The following RNASET2 variants were observed in gnomAD, a reference collection of about 807,000 sequenced individuals.
RNASET2 encodes the protein ribonuclease T2.
RNASET2 carries 28 observed loss-of-function variants against 33.9 expected under a neutral mutation model. The ratio of observed to expected loss-of-function variants is 0.83; its 90% CI spans 0.61 to 1.13. RNASET2 has a LOEUF of 1.13. Ranked by LOEUF, RNASET2 falls within the 50% of genes most tolerant of loss-of-function variation. The pLI is 0.00. For synonymous variants in RNASET2, 123 were observed against 121.0 expected (o/e 1.02, Z -0.11); for missense variants, 330 against 319.9 (o/e 1.03, Z -0.24).
chr6:166,928,236 G>A lies in RNASET2; in HGVS notation c.*1352C>T, dbSNP rs1467429173. 1.3e-5 allele frequency among the ~76,000 whole-genome samples: 2 copies of A among 152,218 alleles called. No homozygotes were observed. Among genetic ancestry groups the A allele is most frequent in the Non-Finnish European group, 2.9e-5 (2 of 68,048 alleles). On this transcript the variant is annotated 3_prime_UTR_variant, in exon 9 of 9. Transcript: ENST00000508775. ...GTCTCCTTTAATGCCTGCGGGGGAC[G>A]CAGAGGCCACTGAGTCTAGGATCAG...
In RNASET2 at chr6:166,953,923, T is replaced by C. The variant is rs929408756; in HGVS notation, c.87-1375A>G. Among the ~76,000 whole-genome samples the C allele has an allele frequency of 2.7e-5, 4 of 150,016 alleles. 1 individual carries two copies. Among genetic ancestry groups the C allele is most frequent in the African/African-American group, 7.4e-5 (3 of 40,708 alleles). ...TGAGCTGCAGGGTGAGAATTGGAGC[T>C]GGTAAAGCATTTTTTACCCTTGGGT... On this transcript the variant is annotated intron_variant, in intron 1 of 8. Coordinates refer to ENST00000508775, the MANE Select transcript of RNASET2 (RefSeq NM_003730.6).
At chr6:166,936,147 T>G (rs1007843499) in intron 6 of RNASET2, among the ~76,000 whole-genome samples, 1 of 152,250 alleles carries the variant, frequency 6.6e-6, no homozygotes, top group Non-Finnish European at 1.5e-5. Flanking sequence ...GAATATAATT[T>G]TCCTATAATT....
rs1778783481 is a variant in RNASET2 at position 166,944,615 on chromosome 6, C to T, written c.262-1526G>A. 2.0e-5 allele frequency among the ~76,000 whole-genome samples: 3 copies of T among 152,044 alleles called. No individual in the cohort carries two copies. The South Asian group carries it at 6.2e-4, about 32-fold the overall frequency. Reference sequence around the variant, plus strand: ...ATGCAAAGGTGTTCCTACTGCTACACAACAAGGAAGCCAGGACTACTCTGA... The same window carrying T: ...ATGCAAAGGTGTTCCTACTGCTACATAACAAGGAAGCCAGGACTACTCTGA... On this transcript the variant is annotated intron_variant, in intron 4 of 8. Transcript: ENST00000508775.
intron 1 of RNASET2, chr6:166,952,816 G>A: frequency 2.3e-6 from 1 of 443,486 alleles, no homozygotes; most frequent in Non-Finnish European, 4.2e-6. Flanking sequence ...GCGGAGGCAG[G>A]GCAAGCTAGG....
At chr6:166,936,592 G>C (rs1029455858) in intron 6 of RNASET2, among the ~76,000 whole-genome samples, 1 of 152,156 alleles carries the variant, frequency 6.6e-6, no homozygotes, top group African/African-American at 2.4e-5. Context: ...GCCAGGGGTT[G>C]GGGGCGGTGC....
chr6:166,952,722 A>G (rs1015796611), intron 1 of RNASET2, 174 bp from the exon 2 acceptor site: 2 of 631,402 alleles, frequency 3.2e-6, no homozygotes, highest in African/African-American at 3.6e-5. Context: ...ACACCCCTAC[A>G]CTAAGAAGGC....
Position 166,928,677 on chromosome 6 carries a change from G to C in RNASET2, c.*911C>G, listed in dbSNP as rs1778344829. 6.6e-6 allele frequency among the ~76,000 whole-genome samples: 1 copy of C among 152,216 alleles called. No homozygotes were observed. On this transcript the variant is annotated 3_prime_UTR_variant, in exon 9 of 9. Coordinates refer to ENST00000508775, the MANE Select transcript of RNASET2 (RefSeq NM_003730.6). ...TAACAGGTTGTCTTAACAACACATG[G>C]AAAGCTCCTCACTGCACAGCCCCCA...
In RNASET2 at chr6:166,934,396, C is replaced by T. The variant is rs113477891; in HGVS notation, c.447-260G>A. 3,853 of 475,918 alleles carry T rather than the reference C, an allele frequency of 8.1e-3. 162 individuals carry two copies. The East Asian group carries it at 0.095, about 12-fold the overall frequency. The allele number at this position is 475,918 out of a possible 1,614,324, so 29.5% of individuals were successfully genotyped here. A position where few individuals can be genotyped will look rare whatever the true frequency, so the allele number is the denominator to read the frequency against. Reference sequence around the variant, plus strand: ...TCCTGACTCCTTCGGAGCATGGGAGCGCTGGGGCCACCACCGAGTGGAGCT... The same window carrying T: ...TCCTGACTCCTTCGGAGCATGGGAGTGCTGGGGCCACCACCGAGTGGAGCT... On this transcript the variant is annotated intron_variant, in intron 6 of 8. Coordinates refer to ENST00000508775, the MANE Select transcript of RNASET2 (RefSeq NM_003730.6).
At chr6:166,930,883 TACACACACACATGC>T (rs1562493112) in intron 8 of RNASET2, among the ~76,000 whole-genome samples, 147 bp downstream of exon 8, 1 of 148,592 alleles carries the variant, frequency 6.7e-6, no homozygotes, top group Non-Finnish European at 1.5e-5. Context: ...CACATGCATG[TACACACACACATGC>T]ACACACACAC....
chr6:166,946,917 C>CA (rs2128646411), intron 3 of RNASET2, 178 bp from the exon 4 acceptor site: 1 of 669,642 alleles, frequency 1.5e-6, no homozygotes, highest in African/African-American at 1.8e-5. Flanking sequence ...TAAGAGGAGT[C>CA]AGAGTTCAAA....
chr6:166,936,311 TC>T (rs1481706900), intron 6 of RNASET2, among the ~76,000 whole-genome samples: 1 of 151,786 alleles, frequency 6.6e-6, no homozygotes, highest in African/African-American at 2.4e-5. Flanking sequence ...CTCTGCTGAA[TC>T]CCCACAGGAA....
At chr6:166,943,488 G>C (rs1334852701) in intron 4 of RNASET2, 1 of 325,246 alleles carries the variant, frequency 3.1e-6, no homozygotes, top group Non-Finnish European at 6.0e-6. Context: ...GTGACAATTT[G>C]GAAAAGGTAG....
chr6:166,938,401 G>C (rs986438741), intron 6 of RNASET2, among the ~76,000 whole-genome samples: 2 of 152,128 alleles, frequency 1.3e-5, no homozygotes, highest in Non-Finnish European at 2.9e-5. Context: ...CAAGAATAGA[G>C]GTGAGGGCAG....
intron 4 of RNASET2, among the ~76,000 whole-genome samples, chr6:166,946,071 G>A (rs1778835529): frequency 6.6e-6 from 1 of 152,132 alleles, no homozygotes; most frequent in Non-Finnish European, 1.5e-5. Flanking sequence ...AGATGAGGGC[G>A]TGTGTGTGAG....
intron 1 of RNASET2, chr6:166,953,230 A>G: frequency 6.5e-6 from 1 of 153,754 alleles, no homozygotes; most frequent in Non-Finnish European, 1.4e-5. Flanking sequence ...ACTGGATCAC[A>G]AACCTGAACA....
At chr6:166,950,179 A>C (rs1343451617) in intron 2 of RNASET2, among the ~76,000 whole-genome samples, 2 of 152,144 alleles carry the variant, frequency 1.3e-5, no homozygotes, top group Non-Finnish European at 2.9e-5. Flanking sequence ...AGTGTGGGTC[A>C]AAGACAGTGC....
rs954335884 is a variant in RNASET2 at position 166,927,832 on chromosome 6, C to T, written c.*1756G>A. Among the ~76,000 whole-genome samples, 9 of 151,946 alleles carry T rather than the reference C, an allele frequency of 5.9e-5. No homozygotes were observed. The highest frequency in any genetic ancestry group is 3.2e-3 in the Middle Eastern group (1 of 316). ...GCAGAGCAAATGCAGGAAATCACGC[C>T]CTTCCAGGTGCAAAACAAATCAGAT... is the stretch of plus-strand genomic sequence containing the variant. On this transcript the variant is annotated 3_prime_UTR_variant, in exon 9 of 9. Transcript: ENST00000508775.
At chr6:166,934,393 G>C (rs2128644611) in intron 6 of RNASET2, 1 of 483,506 alleles carries the variant, frequency 2.1e-6, no homozygotes, top group East Asian at 3.8e-5. Context: ...CGGAGCATGG[G>C]AGCGCTGGGG....
rs1443598856 is a variant in RNASET2 at position 166,955,350 on chromosome 6, C to G, written c.86+747G>C. ...ACGCACGCACGCACACGCACACGCA[C>G]GCACACACACACGCACACACAAACG... On this transcript the variant is annotated intron_variant, in intron 1 of 8. Transcript: ENST00000508775. 20 of 128,664 alleles carry G rather than the reference C, an allele frequency of 1.6e-4. 2 individuals carry two copies. Among genetic ancestry groups the G allele is most frequent in the Admixed American group, 3.9e-4 (2 of 5,072 alleles). 8.0% of individuals were successfully genotyped at this position (128,664 alleles called of 1,614,324 possible). A position where few individuals can be genotyped will look rare whatever the true frequency, so the allele number is the denominator to read the frequency against.
Sources: allele counts gnomAD v4.1 joint callset (sites outside exome capture counted in the v4.1 genomes callset), GRCh38; gene constraint gnomAD v4.1.1; transcripts MANE v1.5; gene names NCBI Gene and HGNC (gene_info 2026-07-23, HGNC 2026-07-21).